PDAP1: variants seen among roughly 807,000 people sequenced by gnomAD.
The protein encoded by PDAP1 is 28 kDa heat- and acid-stable phosphoprotein.
PDAP1 carries 13 observed loss-of-function variants against 28.0 expected under a neutral mutation model. That is an observed-to-expected ratio of 0.46 (90% CI 0.30 to 0.74). The LOEUF is 0.74. PDAP1 is among the 30% of genes least tolerant of loss of function. The probability of loss-of-function intolerance (pLI) is 0.07; values close to 1 mark genes in which losing one functional copy is unlikely to be tolerated. For synonymous variants in PDAP1, 77 were observed against 85.1 expected, an observed-to-expected ratio of 0.91 and a Z score of 0.52; for missense variants, 150 against 230.0, an observed-to-expected ratio of 0.65 and a Z score of 2.25.
chr7:99,396,422 A>G lies in PDAP1; in HGVS notation c.*260T>C. On this transcript the variant is annotated 3_prime_UTR_variant, in exon 6 of 6. Transcript: ENST00000350498. ...AGCAAGGGCTCTGAATTCTAAAAAC[A>G]GCAAAAACATTCAAATGGTTACATA... 1 of 548,388 alleles carries G rather than the reference A, an allele frequency of 1.8e-6. No individual in the cohort carries two copies. Among genetic ancestry groups the G allele is most frequent in the Non-Finnish European group, 3.3e-6 (1 of 304,938 alleles). 34.0% of individuals were successfully genotyped at this position (548,388 alleles called of 1,614,324 possible). A position where few individuals can be genotyped will look rare whatever the true frequency, so the allele number is the denominator to read the frequency against.
intron 5 of PDAP1, among the ~76,000 whole-genome samples, chr7:99,397,485 G>C (rs1440088744): frequency 6.6e-6 from 1 of 152,190 alleles, no homozygotes; most frequent in Non-Finnish European, 1.5e-5. Flanking sequence ...GGACAGCGGT[G>C]ACCTCAGGCA....
At chr7:99,403,267 C>A (rs775510157) in intron 3 of PDAP1, 131 bp downstream of exon 3, 3 of 639,718 alleles carry the variant, frequency 4.7e-6, no homozygotes, top group Admixed American at 2.6e-5. Context: ...TGTTGTATCT[C>A]CCGTAGTGTA....
At chr7:99,396,810 A>C in intron 5 of PDAP1, 70 bp from the exon 6 acceptor site, 2 of 1,212,570 alleles carry the variant, frequency 1.6e-6, no homozygotes, top group Non-Finnish European at 2.4e-6. Context: ...CACGTGCCAG[A>C]ACCCTAGAAC....
chr7:99,406,740 C>A, intron 1 of PDAP1: 1 of 422,206 alleles, frequency 2.4e-6, no homozygotes. Context: ...TGAGCAGAGA[C>A]TCTGTAATCA....
chr7:99,399,824 A>G (rs192637845), intron 4 of PDAP1, among the ~76,000 whole-genome samples: 1 of 152,214 alleles, frequency 6.6e-6, no homozygotes, highest in Non-Finnish European at 1.5e-5. Context: ...ACGACTCTTG[A>G]GGAAGATATT....
At chr7:99,398,617 T>C (rs958953375) in intron 4 of PDAP1, among the ~76,000 whole-genome samples, 3 of 152,178 alleles carry the variant, frequency 2.0e-5, no homozygotes, top group African/African-American at 4.8e-5. Flanking sequence ...GGCAGGCGGA[T>C]TGCTTGAGCC....
chr7:99,396,502 G>GCCCCCCC lies in PDAP1; in HGVS notation c.*179_*180insGGGGGGG. 1 of 328,356 alleles carries GCCCCCCC rather than the reference G, an allele frequency of 3.0e-6. No individual in the cohort carries two copies. Among genetic ancestry groups the GCCCCCCC allele is most frequent in the Non-Finnish European group, 5.6e-6 (1 of 178,384 alleles). 20.3% of individuals were successfully genotyped at this position (328,356 alleles called of 1,614,324 possible). On this transcript the variant is annotated 3_prime_UTR_variant, in exon 6 of 6. Coordinates refer to ENST00000350498, the MANE Select transcript of PDAP1 (RefSeq NM_014891.7). Reference sequence around the variant, plus strand: ...AAAGATAGCAGCTACCCCTCCCCCAGTCCCCCCCCCCATCCCCCAAACAAT... The same window carrying GCCCCCCC: ...AAAGATAGCAGCTACCCCTCCCCCAGCCCCCCCTCCCCCCCCCCATCCCCCAAACAAT...
intron 4 of PDAP1, among the ~76,000 whole-genome samples, chr7:99,399,874 A>ACAGC (rs1794832001): frequency 6.6e-6 from 1 of 152,246 alleles, no homozygotes; most frequent in African/African-American, 2.4e-5. Context: ...GAGGCCTGGG[A>ACAGC]CAGCTGGCTG....
Position 99,408,544 on chromosome 7 carries a change from G to C in PDAP1, c.5C>G (p.Pro2Arg). 7.8e-7 allele frequency: 1 copy of C among 1,287,318 alleles called. No homozygotes were observed. Among genetic ancestry groups the C allele is most frequent in the South Asian group, 2.4e-5 (1 of 41,938 alleles). 79.7% of individuals were successfully genotyped at this position (1,287,318 alleles called of 1,614,324 possible). A position where few individuals can be genotyped will look rare whatever the true frequency, so the allele number is the denominator to read the frequency against. The change falls in exon 1 of 6, where the codon CCT becomes CGT. Residue 2 changes from proline (P) to arginine (R), a missense_variant. Transcript: ENST00000350498. ...CGGCGCCCGCCCCTCACCTCCTTTA[G>C]GCATTGCGGCTCCGGCGGCTGCGGC... M[P>R]KGGRKGGHKG...
At chr7:99,405,832 T>TA (rs1794961566) in intron 1 of PDAP1, among the ~76,000 whole-genome samples, 1 of 152,192 alleles carries the variant, frequency 6.6e-6, no homozygotes, top group African/African-American at 2.4e-5. Flanking sequence ...GGCAGGTATT[T>TA]AACCTCTCAG....
At chr7:99,407,471 C>T (rs922664278) in intron 1 of PDAP1, among the ~76,000 whole-genome samples, 2 of 152,152 alleles carry the variant, frequency 1.3e-5, no homozygotes, top group Admixed American at 6.5e-5. Flanking sequence ...CTGTAATGCC[C>T]AATTATCTCT....
At chr7:99,398,934 C>A (rs1297316083) in intron 4 of PDAP1, among the ~76,000 whole-genome samples, 4 of 152,160 alleles carry the variant, frequency 2.6e-5, no homozygotes, top group Non-Finnish European at 4.4e-5. Flanking sequence ...AGGAATGAAC[C>A]CCCTAAGTAG....
At chr7:99,403,969 C>G (rs1794924545) in intron 2 of PDAP1, among the ~76,000 whole-genome samples, 1 of 152,194 alleles carries the variant, frequency 6.6e-6, no homozygotes, top group African/African-American at 2.4e-5. Context: ...TCCCCCCGAC[C>G]CACCCACACA....
intron 4 of PDAP1, among the ~76,000 whole-genome samples, chr7:99,399,355 C>CT (rs1794819501): frequency 6.6e-6 from 1 of 152,208 alleles, no homozygotes; most frequent in Non-Finnish European, 1.5e-5. Flanking sequence ...CCCAAAGACT[C>CT]TGCAGGGCCC....
intron 1 of PDAP1, among the ~76,000 whole-genome samples, chr7:99,407,303 A>G (rs1794991638): frequency 6.6e-6 from 1 of 152,212 alleles, no homozygotes; most frequent in African/African-American, 2.4e-5. Context: ...TGTAACCTCC[A>G]ACCTTTACCC....
At chr7:99,396,915 C>G (rs1004296345) in intron 5 of PDAP1, among the ~76,000 whole-genome samples, 175 bp from the exon 6 acceptor site, 1 of 152,078 alleles carries the variant, frequency 6.6e-6, no homozygotes, top group East Asian at 1.9e-4. Flanking sequence ...CCCGGGCCCC[C>G]CGACATTCCC....
Position 99,396,505 on chromosome 7 carries a change from C to G in PDAP1, c.*177G>C, listed in dbSNP as rs931758848. The G allele has an allele frequency of 5.4e-6, 2 of 373,644 alleles. No homozygotes were observed. Among genetic ancestry groups the G allele is most frequent in the African/African-American group, 1.2e-4 (1 of 8,328 alleles). The allele number at this position is 373,644 out of a possible 1,614,324, so 23.1% of individuals were successfully genotyped here. ...GATAGCAGCTACCCCTCCCCCAGTC[C>G]CCCCCCCCATCCCCCAAACAATTTC... On this transcript the variant is annotated 3_prime_UTR_variant, in exon 6 of 6. Coordinates refer to ENST00000350498, the MANE Select transcript of PDAP1 (RefSeq NM_014891.7).
intron 2 of PDAP1, among the ~76,000 whole-genome samples, chr7:99,404,245 T>C (rs551016978): frequency 6.6e-6 from 1 of 152,280 alleles, no homozygotes; most frequent in Non-Finnish European, 1.5e-5. Flanking sequence ...GACTGCTCCC[T>C]TAGGCCCTTG....
intron 1 of PDAP1, among the ~76,000 whole-genome samples, chr7:99,406,776 G>A (rs950762074): frequency 6.6e-6 from 1 of 152,212 alleles, no homozygotes; most frequent in African/African-American, 2.4e-5. Flanking sequence ...CACTCCAGAG[G>A]CGGTAGCAGA....
Sources: allele counts gnomAD v4.1 joint callset (sites outside exome capture counted in the v4.1 genomes callset), GRCh38; gene constraint gnomAD v4.1.1; transcripts MANE v1.5; gene names NCBI Gene and HGNC (gene_info 2026-07-23, HGNC 2026-07-21).